COL5A2: variants seen among roughly 807,000 people sequenced by gnomAD.
COL5A2 encodes the protein collagen type V alpha 2 chain.
COL5A2 carries 23 observed loss-of-function variants against 208.2 expected under a neutral mutation model. That is an observed-to-expected ratio of 0.11 (90% CI 0.08 to 0.16). COL5A2 has a LOEUF of 0.16. Among genes scored for constraint, COL5A2 ranks in the 10% least tolerant of loss-of-function variants. The pLI, the probability that COL5A2 is intolerant of heterozygous loss-of-function variation, is 1.00. For missense variants in COL5A2, 1,590 were observed against 1,956.4 expected, an observed-to-expected ratio of 0.81 and a Z score of 3.53; for synonymous variants, 625 against 628.5, an observed-to-expected ratio of 0.99 and a Z score of 0.08.
chr2:189,337,301 G>C, the COL5A2 span, among the ~76,000 whole-genome samples: 1 of 149,308 alleles, frequency 6.7e-6, no homozygotes, highest in Non-Finnish European at 1.5e-5. Context: ...TCCTGCCTCA[G>C]CCTCCCAAGT....
the COL5A2 span, among the ~76,000 whole-genome samples, chr2:189,340,584 A>G: frequency 6.6e-6 from 1 of 152,224 alleles, no homozygotes; most frequent in Admixed American, 6.5e-5. Flanking sequence ...ATAAGGGCAC[A>G]TAAACCCATC....
upstream of COL5A2, among the ~76,000 whole-genome samples, chr2:189,228,734 T>A (rs1006068102): frequency 3.3e-5 from 5 of 151,796 alleles, no homozygotes; most frequent in Non-Finnish European, 5.9e-5. Flanking sequence ...CTACCAAACA[T>A]TTAAATAATT....
chr2:189,034,874 T>C, intron 53 of COL5A2, 42 bp downstream of exon 53: 2 of 1,612,872 alleles, frequency 1.2e-6, no homozygotes, highest in Admixed American at 1.7e-5. Flanking sequence ...AAAAATAATT[T>C]TTTTTCCTCA....
chr2:189,234,369 C>A, the COL5A2 span, among the ~76,000 whole-genome samples: 6 of 151,786 alleles, frequency 4.0e-5, no homozygotes, highest in South Asian at 1.2e-3. Flanking sequence ...AAACTCAAAG[C>A]CCACCATCAG....
chr2:189,131,671 G>A (rs549464431), intron 1 of COL5A2, among the ~76,000 whole-genome samples: 3 of 152,256 alleles, frequency 2.0e-5, no homozygotes, highest in African/African-American at 7.2e-5. Context: ...AATTTTTTGT[G>A]TAATTAGGCT....
chr2:189,298,399 A>T, the COL5A2 span, among the ~76,000 whole-genome samples: 1 of 152,058 alleles, frequency 6.6e-6, no homozygotes, highest in Non-Finnish European at 1.5e-5. Context: ...CTCCAGGTCA[A>T]CCTCATTCTC....
At chr2:189,348,621 T>C in the COL5A2 span, among the ~76,000 whole-genome samples, 1 of 152,172 alleles carries the variant, frequency 6.6e-6, no homozygotes, top group East Asian at 1.9e-4. Flanking sequence ...TTTTCTCTTC[T>C]GTAAAATGAA....
the COL5A2 span, among the ~76,000 whole-genome samples, chr2:189,330,089 T>C: frequency 2.0e-5 from 3 of 152,244 alleles, no homozygotes; most frequent in East Asian, 5.8e-4. Context: ...GTATGCCTTA[T>C]AAAAGAACAA....
the COL5A2 span, among the ~76,000 whole-genome samples, chr2:189,248,740 A>G: frequency 6.6e-6 from 1 of 152,178 alleles, no homozygotes; most frequent in Admixed American, 6.5e-5. Context: ...TTCAGAAAAT[A>G]GACTAATTCA....
intron 1 of COL5A2, among the ~76,000 whole-genome samples, chr2:189,159,869 G>A (rs1356105915): frequency 9.2e-5 from 14 of 151,614 alleles, no homozygotes. Flanking sequence ...GGCAGAGCGG[G>A]ACCCTGTCTC....
intron 1 of COL5A2, among the ~76,000 whole-genome samples, chr2:189,219,622 G>C (rs1033392915): frequency 2.0e-5 from 3 of 152,132 alleles, no homozygotes; most frequent in Non-Finnish European, 4.4e-5. Flanking sequence ...AGGTAAGATA[G>C]AATTATAGAT....
upstream of COL5A2, among the ~76,000 whole-genome samples, chr2:189,183,388 GC>G (rs1289145287): frequency 6.6e-6 from 1 of 151,664 alleles, no homozygotes; most frequent in Non-Finnish European, 1.5e-5. Flanking sequence ...TTCCCTTGTT[GC>G]CCATTGACTT....
Position 189,078,569 on chromosome 2 carries a change from C to T in COL5A2, c.1006G>A (p.Gly336Ser). 1 of 1,612,106 alleles carries T rather than the reference C, an allele frequency of 6.2e-7. No homozygotes were observed. The highest frequency in any genetic ancestry group is 8.5e-7 in the Non-Finnish European group (1 of 1,178,368). The change falls in exon 16 of 54, where the codon GGT becomes AGT. Residue 336 changes from glycine (G) to serine (S), a missense_variant and splice_region_variant. By Grantham distance (56) the Gly-to-Ser change is moderately conservative. Coordinates refer to ENST00000374866, the MANE Select transcript of COL5A2 (RefSeq NM_000393.5). Reference sequence around the variant, plus strand: ...CTCTCTCCTGGCATTCCCCTCGGACCCTATAGACGATAGAGAAGAAATGTC... The same window carrying T: ...CTCTCTCCTGGCATTCCCCTCGGACTCTATAGACGATAGAGAAGAAATGTC... ...TGPMGAMGPL[G>S]PRGMPGERGR...
At chr2:189,196,059 T>A (rs184810353) in intron 1 of COL5A2, among the ~76,000 whole-genome samples, 156 of 152,318 alleles carry the variant, frequency 1.0e-3, no homozygotes, top group Middle Eastern at 3.4e-3. Context: ...TCTACCCATC[T>A]GACAAATGTC....
chr2:189,376,502 T>C, the COL5A2 span, among the ~76,000 whole-genome samples: 1 of 152,188 alleles, frequency 6.6e-6, no homozygotes, highest in African/African-American at 2.4e-5. Flanking sequence ...GTGGCTTCAA[T>C]TACAATTGCT....
chr2:189,139,943 C>G (rs75441135), intron 1 of COL5A2, among the ~76,000 whole-genome samples: 1 of 151,740 alleles, frequency 6.6e-6, no homozygotes, highest in Non-Finnish European at 1.5e-5. Context: ...CATGGTGGCG[C>G]GCACCTGTAG....
At chr2:189,420,915 G>A in the COL5A2 span, among the ~76,000 whole-genome samples, 2 of 152,046 alleles carry the variant, frequency 1.3e-5, no homozygotes, top group Non-Finnish European at 2.9e-5. Context: ...CATTTTACAC[G>A]TAAACATTGT....
the COL5A2 span, among the ~76,000 whole-genome samples, chr2:189,367,860 G>A: frequency 0.036 from 5,516 of 152,066 alleles, 114 homozygotes; most frequent in Admixed American, 0.05. Flanking sequence ...TATTATAATT[G>A]TAATTACATT....
the COL5A2 span, among the ~76,000 whole-genome samples, chr2:189,378,530 A>C: frequency 2.0e-5 from 3 of 151,982 alleles, no homozygotes; most frequent in Admixed American, 1.3e-4. Context: ...CGAGACCATC[A>C]TGGCTAACAC....
Sources: allele counts gnomAD v4.1 joint callset (sites outside exome capture counted in the v4.1 genomes callset), GRCh38; gene constraint gnomAD v4.1.1; transcripts MANE v1.5; gene names NCBI Gene and HGNC (gene_info 2026-07-23, HGNC 2026-07-21).